PLAAT3: variants seen among roughly 807,000 people sequenced by gnomAD.
PLAAT3 encodes the protein phospholipase A and acyltransferase 3.
A neutral mutation model predicts 16.7 loss-of-function variants in PLAAT3; 21 were observed. That is an observed-to-expected ratio of 1.26 (90% CI 0.89 to 1.81). PLAAT3 has a LOEUF of 1.81. PLAAT3 is among the 40% of genes most tolerant of loss of function. The probability of loss-of-function intolerance (pLI) is 0.00; values close to 1 mark genes in which losing one functional copy is unlikely to be tolerated. For missense variants in PLAAT3, 219 were observed against 213.7 expected, an observed-to-expected ratio of 1.02 and a Z score of -0.16; for synonymous variants, 76 against 81.7, an observed-to-expected ratio of 0.93 and a Z score of 0.38.
intron 4 of PLAAT3, 30 bp from the exon 5 acceptor site, chr11:63,575,076 C>CTTCTT: frequency 6.9e-7 from 1 of 1,440,128 alleles, no homozygotes; most frequent in Non-Finnish European, 9.8e-7. Flanking sequence ...GGGTCACACT[C>CTTCTT]TGTGTCAGGA....
At chr11:63,615,310 G>A (rs796346363), upstream of PLAAT3, among the ~76,000 whole-genome samples, 40 of 48,372 alleles carry the variant, frequency 8.3e-4, 1 homozygote, top group African/African-American at 1.8e-3. Flanking sequence ...GTGTATATAT[G>A]TGTGTATATA....
chr11:63,587,732 A>T (rs1043271076), intron 4 of PLAAT3, among the ~76,000 whole-genome samples: 5 of 152,076 alleles, frequency 3.3e-5, no homozygotes, highest in Admixed American at 1.3e-4. Flanking sequence ...GGATCTTTTT[A>T]AAATGTACCA....
In PLAAT3 at chr11:63,593,870, G is replaced by A. The variant is rs546478284; in HGVS notation, c.119-3502C>T. On this transcript the variant is annotated intron_variant, in intron 3 of 4. Coordinates refer to ENST00000415826, the MANE Select transcript of PLAAT3 (RefSeq NM_001128203.2). The stretch of plus-strand genomic sequence containing the variant: ...ACTGGGATTACAGGCATGAGCCACC[G>A]CACCTGGCCCTTGATTTACGCTTTC... Among the ~76,000 whole-genome samples the A allele has an allele frequency of 9.2e-5, 14 of 152,290 alleles. No homozygotes were observed. In the East Asian group the frequency reaches 1.7e-3, roughly 19 times the overall value.
chr11:63,595,048 T>G (rs1046330742), intron 3 of PLAAT3, among the ~76,000 whole-genome samples: 20 of 152,114 alleles, frequency 1.3e-4, no homozygotes, highest in African/African-American at 4.3e-4. Context: ...CTCAGCACTT[T>G]GGGAGGCCGA....
upstream of PLAAT3, chr11:63,616,449 A>G (rs1938875859): frequency 6.6e-6 from 1 of 151,894 alleles, no homozygotes; most frequent in Non-Finnish European, 1.5e-5. Flanking sequence ...CATCTTTTTA[A>G]TTTTTATTTT....
chr11:63,605,132 G>A (rs1938523961), intron 2 of PLAAT3, among the ~76,000 whole-genome samples: 1 of 152,072 alleles, frequency 6.6e-6, no homozygotes, highest in Non-Finnish European at 1.5e-5. Flanking sequence ...AGTGGCTCAC[G>A]CCTTGTAATC....
At chr11:63,593,737 G>A (rs1320335095) in intron 3 of PLAAT3, among the ~76,000 whole-genome samples, 1 of 152,050 alleles carries the variant, frequency 6.6e-6, no homozygotes, top group African/African-American at 2.4e-5. Flanking sequence ...GCGTCACCAT[G>A]CCCGACTAAT....
intron 2 of PLAAT3, among the ~76,000 whole-genome samples, chr11:63,603,586 C>G (rs1938483826): frequency 6.6e-6 from 1 of 151,000 alleles, no homozygotes. Context: ...ACCTTTGTGA[C>G]AAACCTGCAC....
upstream of PLAAT3, chr11:63,616,466 A>G (rs1298028260): frequency 6.6e-6 from 1 of 151,780 alleles, no homozygotes; most frequent in Admixed American, 6.6e-5. Flanking sequence ...TTTTTATTTA[A>G]ATAGAGACAA....
chr11:63,590,453 C>A, intron 3 of PLAAT3, 85 bp from the exon 4 acceptor site: 1 of 1,164,322 alleles, frequency 8.6e-7, no homozygotes, highest in South Asian at 1.4e-5. Context: ...CGGGCATCTG[C>A]CCTTGGCTCA....
At position 63,598,182 on chromosome 11, in the gene PLAAT3, G is replaced by T. The variant is rs369971730; in HGVS notation, c.16-19C>A. 6.5e-7 allele frequency: 1 copy of T among 1,536,286 alleles called. No homozygotes were observed. The highest frequency in any genetic ancestry group is 1.1e-5 in the South Asian group (1 of 89,500). ...GCTCTGGCTGCAAAACCAAGAACAG[G>T]GCTGTTAGAGGGAGCATGAGATCGT... is the stretch of plus-strand genomic sequence containing the variant. On this transcript the variant is annotated intron_variant, in intron 2 of 4. Transcript: ENST00000415826.
Position 63,574,684 on chromosome 11 carries a change from G to C in PLAAT3, c.*261C>G. 6.5e-6 allele frequency: 3 copies of C among 459,628 alleles called. No homozygotes were observed. The highest frequency in any genetic ancestry group is 1.2e-5 in the Non-Finnish European group (3 of 252,858). The allele number at this position is 459,628 out of a possible 1,614,324, so 28.5% of individuals were successfully genotyped here. A position where few individuals can be genotyped will look rare whatever the true frequency, so the allele number is the denominator to read the frequency against. The stretch of plus-strand genomic sequence containing the variant: ...TGGACTCTGCCTCCTGCAATGCAAA[G>C]AACACAGCACGCAAAAAGAAAGTGA... On this transcript the variant is annotated 3_prime_UTR_variant, in exon 5 of 5. Coordinates refer to ENST00000415826, the MANE Select transcript of PLAAT3 (RefSeq NM_001128203.2).
At chr11:63,577,241 A>G (rs1338811769) in intron 4 of PLAAT3, among the ~76,000 whole-genome samples, 1 of 151,032 alleles carries the variant, frequency 6.6e-6, no homozygotes, top group Non-Finnish European at 1.5e-5. Context: ...GCGCAATCTT[A>G]GCTCACTGCA....
At chr11:63,616,190 A>G (rs1270658510), upstream of PLAAT3, 1 of 152,062 alleles carries the variant, frequency 6.6e-6, no homozygotes, top group Non-Finnish European at 1.5e-5. Flanking sequence ...GATCTGGTGA[A>G]CTTATTCCTC....
At chr11:63,593,201 T>C (rs1256663705) in intron 3 of PLAAT3, among the ~76,000 whole-genome samples, 1 of 152,102 alleles carries the variant, frequency 6.6e-6, no homozygotes, top group Non-Finnish European at 1.5e-5. Flanking sequence ...ACGCTGACAA[T>C]GAACAAATAC....
intron 2 of PLAAT3, among the ~76,000 whole-genome samples, chr11:63,603,172 C>A (rs143801595): frequency 1.6e-3 from 242 of 152,268 alleles, no homozygotes; most frequent in Middle Eastern, 6.8e-3. Context: ...GTAAAAGAAC[C>A]TACATTGATT....
At chr11:63,575,714 A>T (rs2017650239) in intron 4 of PLAAT3, among the ~76,000 whole-genome samples, 1 of 152,254 alleles carries the variant, frequency 6.6e-6, no homozygotes, top group Non-Finnish European at 1.5e-5. Flanking sequence ...AACTAAAAGT[A>T]AACTAAGGCA....
intron 3 of PLAAT3, among the ~76,000 whole-genome samples, chr11:63,593,152 G>A (rs1199752517): frequency 1.3e-5 from 2 of 152,192 alleles, no homozygotes; most frequent in Non-Finnish European, 2.9e-5. Context: ...GATCTGGACA[G>A]CAGGCCTGCC....
intron 3 of PLAAT3, among the ~76,000 whole-genome samples, chr11:63,592,420 C>T (rs920939733): frequency 6.6e-6 from 1 of 152,166 alleles, no homozygotes; most frequent in African/African-American, 2.4e-5. Flanking sequence ...AAGCAATCCA[C>T]CCACCTCGGC....
Sources: gnomAD v4.1 joint callset for allele counts (sites outside exome capture counted in the v4.1 genomes callset) on GRCh38, gnomAD v4.1.1 for gene constraint, MANE v1.5 for transcripts, NCBI Gene and HGNC (gene_info 2026-07-23, HGNC 2026-07-21) for gene names.